The following THSD7B variants were observed in gnomAD, a reference collection of about 807,000 sequenced individuals.
THSD7B encodes the protein thrombospondin type-1 domain-containing protein 7B.
A neutral mutation model predicts 213.6 loss-of-function variants in THSD7B; 138 were observed. That is an observed-to-expected ratio of 0.65 (90% CI 0.56 to 0.74). The LOEUF is 0.74. THSD7B is among the 30% of genes least tolerant of loss of function. THSD7B has a pLI of 0.00. For missense variants in THSD7B, 1,931 were observed against 1,991.5 expected, an observed-to-expected ratio of 0.97 and a Z score of 0.58; for synonymous variants, 742 against 687.0, an observed-to-expected ratio of 1.08 and a Z score of -1.25.
chr2:137,542,321 A>C (rs144829878), intron 15 of THSD7B, among the ~76,000 whole-genome samples: 1 of 151,850 alleles, frequency 6.6e-6, no homozygotes, highest in African/African-American at 2.4e-5. Context: ...GCTGAGAAAC[A>C]GTCAATCAAT....
chr2:136,923,060 A>C (rs1352994553), intron 2 of THSD7B, among the ~76,000 whole-genome samples: 1 of 152,188 alleles, frequency 6.6e-6, no homozygotes, highest in Non-Finnish European at 1.5e-5. Flanking sequence ...TCTCCAGAAC[A>C]TTTTCATCTT....
chr2:137,010,477 T>C (rs751728757), intron 2 of THSD7B, among the ~76,000 whole-genome samples: 2 of 152,232 alleles, frequency 1.3e-5, no homozygotes, highest in African/African-American at 2.4e-5. Context: ...TGCTATGTTC[T>C]ACCATTTTTT....
intron 17 of THSD7B, among the ~76,000 whole-genome samples, chr2:137,587,536 GT>G (rs1681763329): frequency 6.6e-6 from 1 of 152,148 alleles, no homozygotes; most frequent in Non-Finnish European, 1.5e-5. Flanking sequence ...CTTTCTGTTT[GT>G]TAGTTTTCCT....
chr2:137,002,431 C>CA (rs2104826140), intron 2 of THSD7B, among the ~76,000 whole-genome samples: 1 of 108,194 alleles, frequency 9.2e-6, no homozygotes, highest in African/African-American at 5.1e-5. Flanking sequence ...TTCCAAACCC[C>CA]ATGCTGTTTT....
intron 6 of THSD7B, among the ~76,000 whole-genome samples, chr2:137,162,994 G>A (rs17346462): frequency 0.28 from 43,099 of 152,002 alleles, 6,881 homozygotes; most frequent in Non-Finnish European, 0.35. Context: ...ATTCTGTGTT[G>A]TGTTTTTTTG....
chr2:137,473,167 C>A (rs1214674078), intron 15 of THSD7B, among the ~76,000 whole-genome samples: 1 of 150,500 alleles, frequency 6.6e-6, no homozygotes, highest in East Asian at 2.0e-4. Flanking sequence ...GTCTTTATAA[C>A]CATAGCTTGT....
chr2:136,909,031 AAGTT>A (rs917505323), intron 2 of THSD7B, among the ~76,000 whole-genome samples: 5 of 152,122 alleles, frequency 3.3e-5, no homozygotes, highest in Middle Eastern at 3.4e-3. Flanking sequence ...AAATACAAAA[AAGTT>A]AGTCAGGCAT....
chr2:136,844,462 C>CAGAGAGAG (rs56716402), intron 1 of THSD7B, among the ~76,000 whole-genome samples: 3,037 of 142,552 alleles, frequency 0.021, 61 homozygotes, highest in Non-Finnish European at 0.026. Flanking sequence ...CCACCCAAAA[C>CAGAGAGAG]AGAGAGAGAG....
Position 137,395,261 on chromosome 2 carries a change from C to T in THSD7B, c.2501-10352C>T, listed in dbSNP as rs1331415174. On this transcript the variant is annotated intron_variant, in intron 12 of 27. Coordinates refer to ENST00000409968, the MANE Select transcript of THSD7B (RefSeq NM_001316349.2). ...TTGCCAGTTTTCAAAGGGAATGCTT[C>T]CAGTTTTTGCCCATTCAGTATGATA... 1.4e-5 allele frequency among the ~76,000 whole-genome samples: 2 copies of T among 146,710 alleles called. 1 individual carries two copies. Among genetic ancestry groups the T allele is most frequent in the African/African-American group, 5.0e-5 (2 of 39,740 alleles).
chr2:137,179,980 T>G (rs1453543770), intron 7 of THSD7B, among the ~76,000 whole-genome samples: 1 of 152,208 alleles, frequency 6.6e-6, no homozygotes, highest in African/African-American at 2.4e-5. Flanking sequence ...GTTTATCACC[T>G]GTGCAAGATT....
At chr2:137,111,786 T>C (rs903254557) in intron 4 of THSD7B, among the ~76,000 whole-genome samples, 1 of 152,246 alleles carries the variant, frequency 6.6e-6, no homozygotes, top group Non-Finnish European at 1.5e-5. Context: ...TAAGGGGCTA[T>C]GGAAACTGAC....
At chr2:137,151,747 TAGC>T (rs1248424672) in intron 5 of THSD7B, among the ~76,000 whole-genome samples, 2 of 152,212 alleles carry the variant, frequency 1.3e-5, no homozygotes, top group Non-Finnish European at 2.9e-5. Context: ...TTTATATGAC[TAGC>T]AGCACCACAG....
chr2:137,052,878 C>T (rs2104873131), intron 2 of THSD7B, among the ~76,000 whole-genome samples: 2 of 152,086 alleles, frequency 1.3e-5, no homozygotes, highest in East Asian at 1.9e-4. Context: ...AAGGTCTTGT[C>T]TTCATCTCAT....
chr2:137,350,788 A>G (rs1282444090), intron 12 of THSD7B, among the ~76,000 whole-genome samples: 1 of 151,768 alleles, frequency 6.6e-6, no homozygotes, highest in Non-Finnish European at 1.5e-5. Flanking sequence ...GATGCACTGA[A>G]GAGATGTTGG....
At chr2:137,479,606 T>C (rs1688260253) in intron 15 of THSD7B, 1 of 204,844 alleles carries the variant, frequency 4.9e-6, no homozygotes, top group African/African-American at 2.4e-5. Context: ...CTTTCCTTAG[T>C]ATGCTTGTAA....
intron 15 of THSD7B, among the ~76,000 whole-genome samples, chr2:137,517,069 A>G (rs1379219765): frequency 1.3e-5 from 2 of 152,246 alleles, no homozygotes; most frequent in Non-Finnish European, 2.9e-5. Flanking sequence ...AAATTAACAC[A>G]TCTCCTGGTA....
intron 2 of THSD7B, among the ~76,000 whole-genome samples, chr2:136,990,682 T>A (rs1685763011): frequency 6.6e-6 from 1 of 152,134 alleles, no homozygotes; most frequent in Non-Finnish European, 1.5e-5. Flanking sequence ...GGCAGACAAG[T>A]TCACAACAGC....
chr2:137,069,766 C>A (rs981003412), intron 3 of THSD7B, among the ~76,000 whole-genome samples: 3 of 151,656 alleles, frequency 2.0e-5, no homozygotes, highest in African/African-American at 4.8e-5. Flanking sequence ...CCAAACAACA[C>A]AAGTCTTTTT....
chr2:136,975,077 C>G (rs939919994), intron 2 of THSD7B, among the ~76,000 whole-genome samples: 9 of 146,512 alleles, frequency 6.1e-5, no homozygotes, highest in African/African-American at 2.3e-4. Context: ...TTTTAAGTTC[C>G]TGGTAGACTC....
Sources: allele counts gnomAD v4.1 joint callset (sites outside exome capture counted in the v4.1 genomes callset), GRCh38; gene constraint gnomAD v4.1.1; transcripts MANE v1.5; gene names NCBI Gene and HGNC (gene_info 2026-07-23, HGNC 2026-07-21).